TECTA: variants seen among roughly 807,000 people sequenced by gnomAD.
TECTA encodes alpha-tectorin.
In TECTA, 128 loss-of-function variants were observed where a neutral mutation model predicts 216.8. The ratio of observed to expected loss-of-function variants is 0.59; its 90% CI spans 0.51 to 0.68. The LOEUF is 0.68. Among genes scored for constraint, TECTA ranks in the 30% least tolerant of loss-of-function variants. TECTA has a pLI of 0.00. For synonymous variants in TECTA, 1,089 were observed against 1,117.1 expected (o/e 0.97, Z 0.50); for missense variants, 2,551 against 2,786.2 (o/e 0.92, Z 1.90).
At position 121,146,032 on chromosome 11, in the gene TECTA, G is replaced by T. The variant is rs376729260; in HGVS notation, c.4021G>T (p.Ala1341Ser). ...CATCGATGGGGGCGCGGTGCAGACCGCCTGCAGCTGGCTGCAGAACTACGC... is the reference window on the plus strand; with the variant it reads ...CATCGATGGGGGCGCGGTGCAGACCTCCTGCAGCTGGCTGCAGAACTACGC... ...SCIDGGAVQT[A>S]CSWLQNYAST... The change falls in exon 12 of 24, where the codon GCC (alanine) becomes TCC (serine). Residue 1341 changes from alanine (A) to serine (S), a missense_variant. Physicochemically the swap from Ala to Ser is moderately conservative, Grantham distance 99. Transcript: ENST00000392793. The T allele has an allele frequency of 1.9e-6, 3 of 1,613,822 alleles. No homozygotes were observed. In the South Asian group the frequency reaches 3.3e-5, roughly 18 times the overall value.
In TECTA at chr11:121,125,772, G is replaced by A. The variant is rs756915605; in HGVS notation, c.1674G>A (p.Arg558=). Residue 558 remains arginine, a synonymous_variant, in exon 8 of 24, where the codon AGG becomes AGA. Transcript: ENST00000392793. ...GCGTGTATGACCTGTGCAGTGTGAG[G>A]GACAATGGCACGCTCCTCTGCCAAG... is the stretch of plus-strand genomic sequence containing the variant. ...HSCVYDLCSV[R]DNGTLLCQAI... is the part of the protein sequence containing the mutation. The A allele has an allele frequency of 6.2e-7, 1 of 1,614,158 alleles. No individual in the cohort carries two copies. Among genetic ancestry groups the A allele is most frequent in the Non-Finnish European group, 8.5e-7 (1 of 1,180,042 alleles).
chr11:121,160,122 C>T lies in TECTA; in HGVS notation c.4690-13C>T. 1 of 1,614,058 alleles carries T rather than the reference C, an allele frequency of 6.2e-7. No homozygotes were observed. The highest frequency in any genetic ancestry group is 8.5e-7 in the Non-Finnish European group (1 of 1,179,996). On this transcript the variant is annotated splice_polypyrimidine_tract_variant and intron_variant, in intron 14 of 23. Transcript: ENST00000392793. ...TCTAAGCGTAATTATTTTCTTTTTTCCTCCTCCAATAGGTGAATGGCACAC... is the reference window on the plus strand; with the variant it reads ...TCTAAGCGTAATTATTTTCTTTTTTTCTCCTCCAATAGGTGAATGGCACAC...
chr11:121,103,832 T>G (rs1384902569), intron 2 of TECTA, among the ~76,000 whole-genome samples: 1 of 152,224 alleles, frequency 6.6e-6, no homozygotes, highest in Non-Finnish European at 1.5e-5. Flanking sequence ...TTAGATATTC[T>G]TAATGTTTGT....
At chr11:121,110,405 A>G (rs780639086) in intron 4 of TECTA, 1 of 152,180 alleles carries the variant, frequency 6.6e-6, no homozygotes, top group Non-Finnish European at 1.5e-5. Flanking sequence ...AACAAAAACG[A>G]CTGAGTTAGA....
At chr11:121,180,638 A>G (rs570222949) in intron 20 of TECTA, among the ~76,000 whole-genome samples, 24 of 152,226 alleles carry the variant, frequency 1.6e-4, no homozygotes, top group Non-Finnish European at 2.9e-4. Flanking sequence ...AGCTTCCTAT[A>G]TGTAGATGTT....
intron 20 of TECTA, among the ~76,000 whole-genome samples, chr11:121,184,406 C>A (rs193062953): frequency 6.6e-6 from 1 of 152,268 alleles, no homozygotes; most frequent in Non-Finnish European, 1.5e-5. Context: ...GCAGGGAATC[C>A]CAGGCCTATC....
intron 10 of TECTA, among the ~76,000 whole-genome samples, chr11:121,132,774 C>G (rs1946687981): frequency 6.6e-6 from 1 of 152,136 alleles, no homozygotes; most frequent in Admixed American, 6.5e-5. Context: ...GGCTGGAGTG[C>G]AGTGGCATGA....
At chr11:121,115,667 G>T (rs1174828847) in intron 6 of TECTA, among the ~76,000 whole-genome samples, 1 of 151,994 alleles carries the variant, frequency 6.6e-6, no homozygotes, top group African/African-American at 2.4e-5. Context: ...TTTTTGTTTA[G>T]GAGACAGGGT....
Position 121,125,718 on chromosome 11 carries a change from C to T in TECTA, c.1620C>T (p.Val540=), listed in dbSNP as rs776016139. 9.3e-6 allele frequency: 15 copies of T among 1,613,300 alleles called. No homozygotes were observed. The highest frequency in any genetic ancestry group is 1.7e-4 in the Middle Eastern group (1 of 6,058). The change falls in exon 8 of 24, where the codon GTC becomes GTT. Residue 540 remains valine (V), a synonymous_variant. Transcript: ENST00000392793. The stretch of plus-strand genomic sequence containing the variant: ...GCCCTCTGTGGGAGTGTGGCACTGT[C>T]GTGGACCCCACTGCTTTTGTGCACA... ...TDGPLWECGT[V]VDPTAFVHSC... is the part of the protein sequence containing the mutation.
chr11:121,132,224 T>C (rs1261664376), intron 10 of TECTA, among the ~76,000 whole-genome samples: 1 of 152,196 alleles, frequency 6.6e-6, no homozygotes, highest in African/African-American at 2.4e-5. Flanking sequence ...ATTTGTTTCT[T>C]TTTATTTGTT....
intron 3 of TECTA, 54 bp downstream of exon 3, chr11:121,106,018 A>T (rs1034460674): frequency 3.1e-6 from 5 of 1,613,762 alleles, no homozygotes; most frequent in Non-Finnish European, 4.2e-6. Context: ...TTTGTTTGTC[A>T]TTAAGAAAAG....
chr11:121,138,124 G>T, intron 11 of TECTA, 102 bp downstream of exon 11: 1 of 1,521,622 alleles, frequency 6.6e-7, no homozygotes, highest in South Asian at 1.2e-5. Flanking sequence ...GGAATCCAAA[G>T]AAAATCTTAG....
chr11:121,147,352 C>T (rs1471624715), intron 12 of TECTA, among the ~76,000 whole-genome samples: 2 of 152,102 alleles, frequency 1.3e-5, no homozygotes, highest in African/African-American at 4.8e-5. Context: ...CTCACACAGT[C>T]AGTTTACATT....
intron 14 of TECTA, among the ~76,000 whole-genome samples, chr11:121,158,681 G>C (rs1946969198): frequency 6.6e-6 from 1 of 151,986 alleles, no homozygotes; most frequent in Non-Finnish European, 1.5e-5. Flanking sequence ...ACACCAATCT[G>C]AGTAAAAACC....
chr11:121,158,248 TAAG>T (rs1384405966), intron 14 of TECTA, 24 bp downstream of exon 14: 3 of 1,607,992 alleles, frequency 1.9e-6, no homozygotes, highest in Non-Finnish European at 2.5e-6. Flanking sequence ...CGGCCATTCT[TAAG>T]AAGGGGCCCG....
At chr11:121,160,847 CTGTGGTTG>C (rs1214235073) in intron 15 of TECTA, among the ~76,000 whole-genome samples, 1 of 152,158 alleles carries the variant, frequency 6.6e-6, no homozygotes, top group Non-Finnish European at 1.5e-5. Flanking sequence ...AGAAGGCTTG[CTGTGGTTG>C]TGTAGGCAGA....
chr11:121,144,451 G>A (rs1346190996), intron 11 of TECTA, among the ~76,000 whole-genome samples: 3 of 152,118 alleles, frequency 2.0e-5, no homozygotes, highest in African/African-American at 7.2e-5. Flanking sequence ...CTAAGAGAGA[G>A]AGGAAGGAGG....
At chr11:121,170,949 T>A (rs1427475005) in intron 20 of TECTA, among the ~76,000 whole-genome samples, 1 of 152,206 alleles carries the variant, frequency 6.6e-6, no homozygotes, top group Non-Finnish European at 1.5e-5. Context: ...GTCCCATTTG[T>A]CTATTTTTGC....
At position 121,118,668 on chromosome 11, in the gene TECTA, G is replaced by A. The variant is rs1946525275; in HGVS notation, c.1153G>A (p.Val385Met). 2 of 1,613,960 alleles carry A rather than the reference G, an allele frequency of 1.2e-6. No individual in the cohort carries two copies. The highest frequency in any genetic ancestry group is 1.7e-6 in the Non-Finnish European group (2 of 1,180,038). The change falls in exon 7 of 24, where the codon GTG becomes ATG. Residue 385 changes from valine (V) to methionine (M), a missense_variant. Val to Met is a conservative substitution (Grantham distance 21, BLOSUM62 1). Around this residue, in one of 3 missense-constraint regions of TECTA, gnomAD observed 2,375 missense variants for 2,563.9 expected, o/e 0.93. Coordinates refer to ENST00000392793, the MANE Select transcript of TECTA (RefSeq NM_005422.4). ...CTGGGTGAAGGAGCTCTCAGTGGAG[G>A]TGAATGGCTACAAGATTCTCATCCC... The part of the protein sequence containing the change: ...VSWVKELSVE[V>M]NGYKILIPKG...
Sources: gnomAD v4.1 joint callset for allele counts (sites outside exome capture counted in the v4.1 genomes callset) on GRCh38, gnomAD v4.1.1 for gene constraint, gnomAD v4.1.1 regional missense constraint, MANE v1.5 for transcripts, NCBI Gene and HGNC (gene_info 2026-07-23, HGNC 2026-07-21) for gene names.